MAGI1: variants seen among roughly 807,000 people sequenced by gnomAD.
The protein encoded by MAGI1 is membrane-associated guanylate kinase, WW and PDZ domain-containing protein 1.
A neutral mutation model predicts 139.9 loss-of-function variants in MAGI1; 58 were observed. That is an observed-to-expected ratio of 0.41 (90% CI 0.34 to 0.52). MAGI1 has a LOEUF of 0.52. Among genes scored for constraint, MAGI1 ranks in the 20% least tolerant of loss-of-function variants. The pLI, the probability that MAGI1 is intolerant of heterozygous loss-of-function variation, is 0.12. For missense variants in MAGI1, 1,874 were observed against 1,901.6 expected, an observed-to-expected ratio of 0.99 and a Z score of 0.27; for synonymous variants, 812 against 737.9, an observed-to-expected ratio of 1.10 and a Z score of -1.63.
At chr3:65,549,897 T>C (rs1386868166) in intron 2 of MAGI1, among the ~76,000 whole-genome samples, 1 of 152,166 alleles carries the variant, frequency 6.6e-6, no homozygotes, top group Non-Finnish European at 1.5e-5. Flanking sequence ...CCTTTCATTA[T>C]CATCATCACC....
chr3:65,985,956 T>C (rs2065857797), intron 1 of MAGI1, among the ~76,000 whole-genome samples: 1 of 152,220 alleles, frequency 6.6e-6, no homozygotes, highest in Non-Finnish European at 1.5e-5. Context: ...TCAAGAAGAA[T>C]GTATTAAATG....
At chr3:65,621,885 G>A in intron 2 of MAGI1, 87 bp downstream of exon 2, 3 of 916,922 alleles carry the variant, frequency 3.3e-6, no homozygotes, top group Non-Finnish European at 5.1e-6. Context: ...TCCAGAACCA[G>A]TTGTTGAGAT....
intron 2 of MAGI1, among the ~76,000 whole-genome samples, chr3:65,611,035 T>C (rs1010466476): frequency 3.7e-5 from 5 of 134,278 alleles, no homozygotes; most frequent in East Asian, 2.1e-4. Flanking sequence ...GTATATAGTA[T>C]ATATACTATA....
At chr3:65,362,710 C>CT (rs1326521161) in intron 21 of MAGI1, among the ~76,000 whole-genome samples, 1 of 152,190 alleles carries the variant, frequency 6.6e-6, no homozygotes, top group Non-Finnish European at 1.5e-5. Context: ...ACTGCATTCA[C>CT]TTTTTTCCTT....
intron 1 of MAGI1, among the ~76,000 whole-genome samples, chr3:65,846,731 A>G (rs139959055): frequency 1.3e-5 from 2 of 152,266 alleles, no homozygotes; most frequent in Non-Finnish European, 2.9e-5. Flanking sequence ...AAAGTAACTT[A>G]CCCAAGGCAG....
intron 1 of MAGI1, among the ~76,000 whole-genome samples, chr3:65,836,019 G>A (rs2042784996): frequency 6.6e-6 from 1 of 152,134 alleles, no homozygotes; most frequent in Admixed American, 6.6e-5. Context: ...GCTCAACTGA[G>A]GACCCAATGT....
chr3:65,509,709 C>G (rs577518679), intron 2 of MAGI1, among the ~76,000 whole-genome samples: 2 of 152,136 alleles, frequency 1.3e-5, no homozygotes, highest in South Asian at 4.2e-4. Flanking sequence ...AACTGCAAGG[C>G]GGCAACGAGG....
intron 1 of MAGI1, among the ~76,000 whole-genome samples, chr3:65,913,793 TC>T (rs1245742666): frequency 6.6e-6 from 1 of 152,168 alleles, no homozygotes; most frequent in Non-Finnish European, 1.5e-5. Flanking sequence ...GAGGAGAAAT[TC>T]CTTCGGAACA....
At chr3:65,691,652 T>C (rs902942775) in intron 1 of MAGI1, among the ~76,000 whole-genome samples, 6 of 152,154 alleles carry the variant, frequency 3.9e-5, no homozygotes, top group South Asian at 2.1e-4. Context: ...TACTGCTGTA[T>C]TGAGAAAAAT....
rs1231315251 is a variant in MAGI1, at chr3:66,038,180, G to C, written c.129C>G (p.Tyr43Ter). Residue 43 changes from tyrosine to a stop codon, truncating the protein, a stop_gained, in exon 1 of 23, where the codon TAC (tyrosine) becomes TAG (stop). Transcript: ENST00000402939. LOFTEE classifies it high-confidence loss of function. ...CCTCGACCGCCGCCACCGCTCCGAC[G>C]TACGGAAACTCCCCGTGCTCCGCGC... The part of the protein sequence containing the change: ...LGGAEHGEFP[Y>*]VGAVAAVEAA... The C allele has an allele frequency of 6.2e-7, 1 of 1,612,150 alleles. No homozygotes were observed. Among genetic ancestry groups the C allele is most frequent in the Non-Finnish European group, 8.5e-7 (1 of 1,179,632 alleles).
chr3:65,790,599 G>C lies in MAGI1; in HGVS notation c.314-168511C>G, dbSNP rs72894111. ...ACAACACAGAGTTAGATCTTGATAA[G>C]GTAGCATTTTATAAGTCCTCTGGAG... is the stretch of plus-strand genomic sequence containing the variant. On this transcript the variant is annotated intron_variant, in intron 1 of 22. Coordinates refer to ENST00000402939, the MANE Select transcript of MAGI1 (RefSeq NM_001033057.2). 5.1e-3 allele frequency among the ~76,000 whole-genome samples: 781 copies of C among 152,270 alleles called. 5 individuals are homozygous for C. The highest frequency in any genetic ancestry group is 0.018 in the African/African-American group (742 of 41,562).
At chr3:65,698,599 A>T (rs1452204080) in intron 1 of MAGI1, among the ~76,000 whole-genome samples, 3 of 152,132 alleles carry the variant, frequency 2.0e-5, no homozygotes, top group Non-Finnish European at 4.4e-5. Context: ...GATCTTTGAC[A>T]AACCTGAGAA....
intron 5 of MAGI1, among the ~76,000 whole-genome samples, chr3:65,458,743 T>C (rs1949573863): frequency 6.6e-6 from 1 of 152,196 alleles, no homozygotes; most frequent in Non-Finnish European, 1.5e-5. Context: ...GCAAATATTT[T>C]CTCCCATTCT....
chr3:65,832,997 T>C (rs903303795), intron 1 of MAGI1, among the ~76,000 whole-genome samples: 24 of 152,230 alleles, frequency 1.6e-4, no homozygotes, highest in African/African-American at 5.1e-4. Context: ...GGTGCAATTA[T>C]ATTCCCATTT....
At chr3:65,846,542 C>T (rs2059003176) in intron 1 of MAGI1, among the ~76,000 whole-genome samples, 1 of 152,312 alleles carries the variant, frequency 6.6e-6, no homozygotes, top group African/African-American at 2.4e-5. Flanking sequence ...AATAGGGCCC[C>T]ACAAAGGTCC....
intron 2 of MAGI1, among the ~76,000 whole-genome samples, chr3:65,597,171 TC>T (rs1325782573): frequency 2.6e-5 from 4 of 151,318 alleles, no homozygotes; most frequent in African/African-American, 4.9e-5. Context: ...TACTGATTTT[TC>T]CCCCCTCCCT....
At chr3:65,984,397 A>C (rs938483828) in intron 1 of MAGI1, among the ~76,000 whole-genome samples, 1 of 152,168 alleles carries the variant, frequency 6.6e-6, no homozygotes, top group African/African-American at 2.4e-5. Context: ...TTTATTAAAA[A>C]TTCTGTTGAT....
chr3:65,746,647 A>G (rs2035733816), intron 1 of MAGI1, among the ~76,000 whole-genome samples: 1 of 151,844 alleles, frequency 6.6e-6, no homozygotes, highest in South Asian at 2.1e-4. Flanking sequence ...AGCACAAACT[A>G]CCCTTGCTGA....
chr3:65,509,312 C>T (rs2077449158), intron 2 of MAGI1, among the ~76,000 whole-genome samples: 1 of 152,098 alleles, frequency 6.6e-6, no homozygotes, highest in Non-Finnish European at 1.5e-5. Flanking sequence ...CCAAGATGGC[C>T]GAATAGGAAC....
Sources: gnomAD v4.1 joint callset for allele counts (sites outside exome capture counted in the v4.1 genomes callset) on GRCh38, gnomAD v4.1.1 for gene constraint, MANE v1.5 for transcripts, NCBI Gene and HGNC (gene_info 2026-07-23, HGNC 2026-07-21) for gene names.